ZNF624: variants seen among roughly 807,000 people sequenced by gnomAD.
ZNF624 encodes zinc finger protein 624.
ZNF624 carries 43 observed loss-of-function variants against 74.7 expected under a neutral mutation model. That is an observed-to-expected ratio of 0.58 (90% CI 0.45 to 0.74). ZNF624 has a LOEUF of 0.74. Ranked by LOEUF, ZNF624 falls within the 30% of genes least tolerant of loss-of-function variation. The probability of loss-of-function intolerance (pLI) is 0.00; values close to 1 mark genes in which losing one functional copy is unlikely to be tolerated. For missense variants in ZNF624, 820 were observed against 1,030.0 expected (o/e 0.80, Z 2.79); for synonymous variants, 331 against 341.3 (o/e 0.97, Z 0.33).
intron 3 of ZNF624, among the ~76,000 whole-genome samples, chr17:16,635,687 C>T (rs1170043745): frequency 6.6e-6 from 1 of 152,034 alleles, no homozygotes; most frequent in East Asian, 1.9e-4. Context: ...CAGTGACAGA[C>T]ATGTTATTGT....
chr17:16,624,028 A>G lies in ZNF624; in HGVS notation c.858T>C (p.His286=). Residue 286 remains histidine (H), a synonymous_variant, in exon 6 of 6, where the codon CAT becomes CAC. Transcript: ENST00000311331. ...YKCSTCEKAF[H]YRSLLIQHQR... The stretch of plus-strand genomic sequence containing the variant: ...GATGTTGAATGAGCAATGATCTATA[A>G]TGAAAGGCCTTTTCGCATGTACTAC... 6.2e-7 allele frequency: 1 copy of G among 1,613,630 alleles called. No individual in the cohort carries two copies. Among genetic ancestry groups the G allele is most frequent in the Non-Finnish European group, 8.5e-7 (1 of 1,179,914 alleles).
intron 1 of ZNF624, among the ~76,000 whole-genome samples, chr17:16,650,411 T>TATAATAATAATAATAATAATAATA (rs58272736): frequency 1.5e-4 from 22 of 148,054 alleles, no homozygotes; most frequent in African/African-American, 5.0e-4. Flanking sequence ...AGGAAGCAGG[T>TATAATAATAATAATAATAATAATA]ATAATAATAA....
At chr17:16,635,567 C>T (rs1191488936) in intron 3 of ZNF624, among the ~76,000 whole-genome samples, 2 of 152,070 alleles carry the variant, frequency 1.3e-5, no homozygotes, top group Non-Finnish European at 2.9e-5. Context: ...TTTTGAGTGA[C>T]TTTGAAACAG....
intron 3 of ZNF624, among the ~76,000 whole-genome samples, chr17:16,642,272 T>A (rs1909484980): frequency 6.6e-6 from 1 of 152,164 alleles, no homozygotes; most frequent in African/African-American, 2.4e-5. Flanking sequence ...TTTCCAAAAC[T>A]TAGTTCAAAG....
chr17:16,632,790 T>C (rs1004591357), intron 5 of ZNF624, among the ~76,000 whole-genome samples: 4 of 152,230 alleles, frequency 2.6e-5, no homozygotes, highest in African/African-American at 9.6e-5. Context: ...AACCCTGCAG[T>C]AGAATCTCTC....
At chr17:16,637,630 T>G (rs1909365644) in intron 3 of ZNF624, among the ~76,000 whole-genome samples, 1 of 152,168 alleles carries the variant, frequency 6.6e-6, no homozygotes, top group African/African-American at 2.4e-5. Flanking sequence ...GATTCCATAT[T>G]TAAAAAATGG....
chr17:16,635,162 AT>A, intron 3 of ZNF624, among the ~76,000 whole-genome samples: 1 of 152,206 alleles, frequency 6.6e-6, no homozygotes, highest in South Asian at 2.1e-4. Context: ...TAAAATATCA[AT>A]TTTCTTTCAG....
Position 16,638,605 on chromosome 17 carries a change from C to A in ZNF624, c.154-3849G>T, listed in dbSNP as rs557873416. The stretch of plus-strand genomic sequence containing the variant: ...GAAACCATCATTCTCAGCAAACTAT[C>A]GCAAGGACAAAAAACCAAACACTGA... On this transcript the variant is annotated intron_variant, in intron 3 of 5. Transcript: ENST00000311331. Among the ~76,000 whole-genome samples the A allele has an allele frequency of 5.3e-5, 8 of 152,188 alleles. No homozygotes were observed. The East Asian group carries it at 1.5e-3, about 29-fold the overall frequency.
At chr17:16,620,385 C>T (rs1908878964), downstream of ZNF624, among the ~76,000 whole-genome samples, 1 of 152,198 alleles carries the variant, frequency 6.6e-6, no homozygotes, top group African/African-American at 2.4e-5. Flanking sequence ...CTTTACACGG[C>T]CTCTTCCATA....
chr17:16,631,767 CTGAG>C (rs762053812), intron 5 of ZNF624: 2 of 152,084 alleles, frequency 1.3e-5, no homozygotes, highest in Non-Finnish European at 2.9e-5. Flanking sequence ...TCTAGCAAGA[CTGAG>C]TAAGACAAAA....
intron 3 of ZNF624, among the ~76,000 whole-genome samples, chr17:16,639,338 T>G (rs183259826): frequency 1.3e-5 from 2 of 152,240 alleles, no homozygotes; most frequent in African/African-American, 4.8e-5. Context: ...AACCTTTAGG[T>G]TTTTGAAGCT....
At chr17:16,645,999 C>CAAATACA (rs1446441444) in intron 3 of ZNF624, among the ~76,000 whole-genome samples, 3 of 138,070 alleles carry the variant, frequency 2.2e-5, no homozygotes, top group Admixed American at 1.4e-4. Context: ...GAAAATCAAG[C>CAAATACA]AAATACAAAA....
In ZNF624 at chr17:16,649,704, G is replaced by T; in HGVS notation, c.41C>A (p.Pro14Gln). The change falls in exon 2 of 6, where the codon CCA becomes CAA. Residue 14 changes from proline to glutamine, a missense_variant. Coordinates refer to ENST00000311331, the MANE Select transcript of ZNF624 (RefSeq NM_020787.4). ...CACAGCAGCCATAATCTCTCCCTCT[G>T]GTTTCCCCTCTCTGGAAAGAGTGGA... is the stretch of plus-strand genomic sequence containing the variant. ...QDSTLSREGK[P>Q]EGEIMAAVFF... 1 of 1,613,972 alleles carries T rather than the reference G, an allele frequency of 6.2e-7. No individual in the cohort carries two copies. The highest frequency in any genetic ancestry group is 1.1e-5 in the South Asian group (1 of 91,062).
chr17:16,623,364 C>T lies in ZNF624; in HGVS notation c.1522G>A (p.Ala508Thr). ...GTGAAATTTGCGATGCGGTTGAATG[C>T]TTTCCCACATTCATTACATTCATAG... ...KPYECNECGK[A>T]FNRIANFTEH... Residue 508 changes from alanine (A) to threonine (T), a missense_variant, in exon 6 of 6, where the codon GCA (alanine) becomes ACA (threonine). By Grantham distance (58) the Ala-to-Thr change is moderately conservative. Coordinates refer to ENST00000311331, the MANE Select transcript of ZNF624 (RefSeq NM_020787.4). The surrounding 1 kb of genome is among the most constrained non-coding windows in gnomAD (Gnocchi z 5.3). The T allele has an allele frequency of 1.2e-6, 2 of 1,613,720 alleles. No homozygotes were observed. The highest frequency in any genetic ancestry group is 2.2e-5 in the East Asian group (1 of 44,868).
Position 16,644,667 on chromosome 17 carries a change from G to C in ZNF624, c.153+2662C>G, listed in dbSNP as rs191454243. On this transcript the variant is annotated intron_variant, in intron 3 of 5. Coordinates refer to ENST00000311331, the MANE Select transcript of ZNF624 (RefSeq NM_020787.4). ...ATAGAGTTCGAGAAAGTAAAAATTA[G>C]CTTATACTGAGAAAGTAAAATTCTG... Among the ~76,000 whole-genome samples, 42 of 152,254 alleles carry C rather than the reference G, an allele frequency of 2.8e-4. 1 individual carries two copies. The highest frequency in any genetic ancestry group is 1.2e-3 in the East Asian group (6 of 5,182).
At chr17:16,635,881 A>G (rs938885220) in intron 3 of ZNF624, among the ~76,000 whole-genome samples, 6 of 149,344 alleles carry the variant, frequency 4.0e-5, no homozygotes, top group Non-Finnish European at 6.0e-5. Flanking sequence ...TTTTAAGAGA[A>G]AAAAAAAAAA....
At chr17:16,617,776 C>T, downstream of ZNF624, 2 of 1,610,960 alleles carry the variant, frequency 1.2e-6, no homozygotes, top group Non-Finnish European at 1.7e-6. Flanking sequence ...AAGCCGTAGC[C>T]ATTTTTGAGG....
chr17:16,648,618 C>T (rs183557612), intron 2 of ZNF624, among the ~76,000 whole-genome samples: 226 of 152,252 alleles, frequency 1.5e-3, no homozygotes, highest in African/African-American at 1.3e-3. Context: ...GAATAAAAGA[C>T]CACAATCACG....
chr17:16,643,160 A>T (rs1424860373), intron 3 of ZNF624, among the ~76,000 whole-genome samples: 1 of 152,226 alleles, frequency 6.6e-6, no homozygotes, highest in Non-Finnish European at 1.5e-5. Context: ...TGATCCAGCA[A>T]AATTCCAACC....
Sources: gnomAD v4.1 joint callset for allele counts (sites outside exome capture counted in the v4.1 genomes callset) on GRCh38, gnomAD v4.1.1 for gene constraint, Gnocchi (gnomAD v3.1) non-coding constraint, MANE v1.5 for transcripts, NCBI Gene and HGNC (gene_info 2026-07-23, HGNC 2026-07-21) for gene names.